PRKAG2: variants seen among roughly 807,000 people sequenced by gnomAD.
PRKAG2 encodes 5'-AMP-activated protein kinase subunit gamma-2.
Under a neutral mutation model 69.6 loss-of-function variants are expected in PRKAG2, and 26 were observed. The observed-to-expected ratio is 0.37, with a 90% CI of 0.27 to 0.52. The LOEUF is 0.52. Ranked by LOEUF, PRKAG2 falls within the 20% of genes least tolerant of loss-of-function variation. The pLI is 0.90. For synonymous variants in PRKAG2, 293 were observed against 285.0 expected (o/e 1.03, Z -0.28); for missense variants, 557 against 740.0 (o/e 0.75, Z 2.87).
At chr7:151,670,459 C>G (rs1449720680) in intron 4 of PRKAG2, among the ~76,000 whole-genome samples, 1 of 152,218 alleles carries the variant, frequency 6.6e-6, no homozygotes, top group Non-Finnish European at 1.5e-5. Context: ...CCTGTTCTAA[C>G]CACCTCCAAT....
At chr7:151,731,244 T>C (rs1457591169) in intron 3 of PRKAG2, among the ~76,000 whole-genome samples, 1 of 152,238 alleles carries the variant, frequency 6.6e-6, no homozygotes, top group African/African-American at 2.4e-5. Flanking sequence ...GCCAAGCTCG[T>C]CACTTGTCTA....
At chr7:151,568,562 C>G in intron 11 of PRKAG2, 154 bp downstream of exon 11, 1 of 742,500 alleles carries the variant, frequency 1.3e-6, no homozygotes, top group South Asian at 1.7e-5. Flanking sequence ...ATGTACAATT[C>G]AGAGAGTAGT....
chr7:151,625,841 G>C (rs560036637), intron 5 of PRKAG2, among the ~76,000 whole-genome samples: 2 of 152,300 alleles, frequency 1.3e-5, no homozygotes, highest in South Asian at 2.1e-4. Flanking sequence ...CCGTGGAGGA[G>C]GGCACGACCT....
chr7:151,782,059 G>T (rs2076698876), intron 2 of PRKAG2, among the ~76,000 whole-genome samples: 1 of 151,894 alleles, frequency 6.6e-6, no homozygotes, highest in Non-Finnish European at 1.5e-5. Flanking sequence ...ATCAACTGAG[G>T]TCAGGAGTTT....
intron 3 of PRKAG2, among the ~76,000 whole-genome samples, chr7:151,779,119 T>C (rs11773541): frequency 6.6e-6 from 1 of 152,066 alleles, no homozygotes; most frequent in African/African-American, 2.4e-5. Context: ...TTGAAAGAGA[T>C]TGAAAATCTA....
At chr7:151,684,943 A>C (rs1358923637) in intron 3 of PRKAG2, among the ~76,000 whole-genome samples, 4 of 152,140 alleles carry the variant, frequency 2.6e-5, no homozygotes, top group African/African-American at 9.7e-5. Context: ...CCCCCAAGAC[A>C]AGCTCCAGGT....
intron 4 of PRKAG2, among the ~76,000 whole-genome samples, chr7:151,651,354 C>A (rs1828465673): frequency 6.6e-6 from 1 of 152,290 alleles, no homozygotes; most frequent in South Asian, 2.1e-4. Context: ...TGCCTGTAAT[C>A]CCAGCACTTT....
rs1044952519 is a variant in PRKAG2 at position 151,778,048 on chromosome 7, C to A, written c.466+3104G>T. Among the ~76,000 whole-genome samples the A allele has an allele frequency of 4.6e-5, 7 of 152,104 alleles. No homozygotes were observed. In the South Asian group the frequency reaches 1.0e-3, roughly 23 times the overall value. Reference sequence around the variant, plus strand: ...TTTTTTAGACTTGAATTCTGGCAACCAATGGACCCCACCCAGACCCATGAC... The same window carrying A: ...TTTTTTAGACTTGAATTCTGGCAACAAATGGACCCCACCCAGACCCATGAC... On this transcript the variant is annotated intron_variant, in intron 3 of 15. Transcript: ENST00000287878.
At chr7:151,845,655 C>G (rs1246159261) in intron 1 of PRKAG2, among the ~76,000 whole-genome samples, 1 of 152,160 alleles carries the variant, frequency 6.6e-6, no homozygotes, top group African/African-American at 2.4e-5. Context: ...ATGCCTGCCT[C>G]CCTTCCCAAC....
intron 3 of PRKAG2, among the ~76,000 whole-genome samples, chr7:151,772,412 C>A (rs1298464489): frequency 1.3e-5 from 2 of 152,194 alleles, no homozygotes; most frequent in East Asian, 3.8e-4. Context: ...TCCCTTCACT[C>A]ACCTGGACCC....
chr7:151,653,800 T>C (rs1470623846), intron 4 of PRKAG2, among the ~76,000 whole-genome samples: 1 of 152,136 alleles, frequency 6.6e-6, no homozygotes, highest in Non-Finnish European at 1.5e-5. Context: ...TGAGATTGTG[T>C]CACTGCACTC....
chr7:151,764,797 G>T (rs1490046195), intron 3 of PRKAG2, among the ~76,000 whole-genome samples: 3 of 152,246 alleles, frequency 2.0e-5, no homozygotes, highest in Admixed American at 2.0e-4. Context: ...GCCAGCAGGT[G>T]GGGGTAAGGC....
chr7:151,740,811 G>A (rs377225425), intron 3 of PRKAG2, among the ~76,000 whole-genome samples: 8 of 152,134 alleles, frequency 5.3e-5, no homozygotes, highest in African/African-American at 1.2e-4. Flanking sequence ...TGAAGAAGAG[G>A]GGGGAACCCA....
chr7:151,860,991 C>T (rs952721566), intron 1 of PRKAG2, among the ~76,000 whole-genome samples: 1 of 152,142 alleles, frequency 6.6e-6, no homozygotes, highest in Admixed American at 6.5e-5. Flanking sequence ...TCTGCAGCCC[C>T]ACCCCAAGAC....
chr7:151,618,250 C>T (rs543086980), intron 5 of PRKAG2, among the ~76,000 whole-genome samples: 13 of 150,850 alleles, frequency 8.6e-5, no homozygotes, highest in African/African-American at 3.2e-4. Context: ...GTCAGGAGTT[C>T]GAGATCAGCC....
intron 1 of PRKAG2, among the ~76,000 whole-genome samples, chr7:151,870,761 C>T (rs529877532): frequency 1.3e-4 from 20 of 152,354 alleles, no homozygotes; most frequent in East Asian, 3.9e-4. Context: ...TCGGAGGGTG[C>T]GTGGCCTTCT....
At chr7:151,815,285 T>G (rs1453912520) in intron 1 of PRKAG2, among the ~76,000 whole-genome samples, 1 of 152,170 alleles carries the variant, frequency 6.6e-6, no homozygotes, top group Non-Finnish European at 1.5e-5. Context: ...TTCTGATGCT[T>G]TGACACCTGG....
At chr7:151,789,804 C>T (rs975792042) in intron 1 of PRKAG2, among the ~76,000 whole-genome samples, 2 of 152,184 alleles carry the variant, frequency 1.3e-5, no homozygotes, top group African/African-American at 4.8e-5. Context: ...TGGAGAGCTG[C>T]GTGCCTCCCA....
chr7:151,558,630 T>C, intron 15 of PRKAG2: 1 of 971,092 alleles, frequency 1.0e-6, no homozygotes, highest in Non-Finnish European at 1.2e-6. Flanking sequence ...TCACTTGTAA[T>C]CCAGTTATTA....
Sources: allele counts gnomAD v4.1 joint callset (sites outside exome capture counted in the v4.1 genomes callset), GRCh38; gene constraint gnomAD v4.1.1; transcripts MANE v1.5; gene names NCBI Gene and HGNC (gene_info 2026-07-23, HGNC 2026-07-21).